Variants in EFCAB5 observed in about 807,000 individuals in gnomAD.
EFCAB5 encodes the protein EF-hand calcium-binding domain-containing protein 5.
EFCAB5 carries 131 observed loss-of-function variants against 167.9 expected under a neutral mutation model. That is an observed-to-expected ratio of 0.78 (90% CI 0.68 to 0.90). The LOEUF is 0.90. Ranked by LOEUF, EFCAB5 falls within the 40% of genes least tolerant of loss-of-function variation. The probability of loss-of-function intolerance (pLI) is 0.00; values close to 1 mark genes in which losing one functional copy is unlikely to be tolerated. For missense variants in EFCAB5, 1,663 were observed against 1,745.2 expected (o/e 0.95, Z 0.84); for synonymous variants, 574 against 602.8 (o/e 0.95, Z 0.70).
chr17:29,967,326 G>C (rs1423802049), intron 3 of EFCAB5, among the ~76,000 whole-genome samples: 1 of 152,298 alleles, frequency 6.6e-6, no homozygotes, highest in East Asian at 1.9e-4. Context: ...CTGTCAATAG[G>C]TCATTTTCTC....
At chr17:30,033,206 G>A (rs2069525353) in intron 7 of EFCAB5, among the ~76,000 whole-genome samples, 1 of 152,100 alleles carries the variant, frequency 6.6e-6, no homozygotes, top group African/African-American at 2.4e-5. Context: ...AGCTTCCCGA[G>A]TAGCTGGGAC....
At chr17:29,965,277 T>A (rs913537416) in intron 3 of EFCAB5, among the ~76,000 whole-genome samples, 1 of 152,218 alleles carries the variant, frequency 6.6e-6, no homozygotes, top group Non-Finnish European at 1.5e-5. Flanking sequence ...CCTTGTGATT[T>A]TTTTGACCCA....
At chr17:29,968,218 C>A in intron 3 of EFCAB5, 1 of 404,492 alleles carries the variant, frequency 2.5e-6, no homozygotes. Flanking sequence ...AGTGTTGTAG[C>A]AGATGAAAAT....
rs767553068 is a variant in EFCAB5 at position 29,969,030 on chromosome 17, GA to G, written c.437del (p.Lys146ArgfsTer21). Reference protein sequence around the residue: ...IDKENLKKELEKKAEKKLPRD... With the variant: ...IDKENLKKELXKKAEKKLPRD... ...TAAGGAAAATCTGAAGAAGGAACTAGAAAAAAAGGCTGAAAAAAAACTCCCT... is the reference window on the plus strand; with the variant it reads ...TAAGGAAAATCTGAAGAAGGAACTAGAAAAAAGGCTGAAAAAAAACTCCCT... On this transcript the variant is annotated frameshift_variant, in exon 4 of 23. Transcript: ENST00000394835. LOFTEE classifies it high-confidence loss of function. 2.1e-5 allele frequency: 34 copies of G among 1,595,000 alleles called. No individual in the cohort carries two copies. The highest frequency in any genetic ancestry group is 2.7e-5 in the Non-Finnish European group (32 of 1,172,360).
chr17:30,080,131 C>T lies in EFCAB5; in HGVS notation c.3087C>T (p.Asn1029=), dbSNP rs746376413. 6.2e-7 allele frequency: 1 copy of T among 1,613,732 alleles called. No individual in the cohort carries two copies. The highest frequency in any genetic ancestry group is 1.7e-5 in the Admixed American group (1 of 59,986). The change falls in exon 16 of 23, where the codon AAC becomes AAT. Residue 1029 remains asparagine (N), a synonymous_variant. Coordinates refer to ENST00000394835, the MANE Select transcript of EFCAB5 (RefSeq NM_198529.4). ...CTCACATTTCCCTCTTAGAAGAAAA[C>T]CTACTACTGCCTGAGAAAGGGAATG... ...ISAHISLLEE[N]LLLPEKGNVL...
intron 7 of EFCAB5, among the ~76,000 whole-genome samples, chr17:30,031,563 G>A (rs2069480294): frequency 1.3e-5 from 2 of 152,174 alleles, no homozygotes. Flanking sequence ...CCATAACTCA[G>A]TGAGGTAACT....
intron 7 of EFCAB5, among the ~76,000 whole-genome samples, chr17:30,011,206 A>T (rs2068890426): frequency 6.6e-6 from 1 of 152,148 alleles, no homozygotes; most frequent in Admixed American, 6.5e-5. Flanking sequence ...TGCTTACTGT[A>T]GCCTTGTAGT....
chr17:30,022,244 A>G (rs2069196971), intron 7 of EFCAB5, among the ~76,000 whole-genome samples: 1 of 152,178 alleles, frequency 6.6e-6, no homozygotes, highest in South Asian at 2.1e-4. Context: ...TATTTACTCA[A>G]TACAATAATG....
intron 19 of EFCAB5, among the ~76,000 whole-genome samples, chr17:30,088,724 G>T (rs947925355): frequency 6.6e-6 from 1 of 152,164 alleles, no homozygotes; most frequent in Non-Finnish European, 1.5e-5. Context: ...CTTCTTAGGG[G>T]GTCACTGTCG....
chr17:29,990,280 T>G (rs2068384973), intron 4 of EFCAB5, among the ~76,000 whole-genome samples: 1 of 152,154 alleles, frequency 6.6e-6, no homozygotes, highest in South Asian at 2.1e-4. Context: ...ACCTTTAAAT[T>G]TCTTTCTCTG....
In EFCAB5 at chr17:29,956,558, G is replaced by A. The variant is rs115143506; in HGVS notation, c.191-12233G>A. ...GCTACTTGTTACAACAGTAGGTTAT[G>A]GTCTTTTTACACATCAAGTTTGGTT... On this transcript the variant is annotated intron_variant, in intron 3 of 22. Coordinates refer to ENST00000394835, the MANE Select transcript of EFCAB5 (RefSeq NM_198529.4). Among the ~76,000 whole-genome samples the A allele has an allele frequency of 4.5e-3, 691 of 152,314 alleles. 8 individuals are homozygous for A. Among genetic ancestry groups the A allele is most frequent in the African/African-American group, 0.016 (653 of 41,566 alleles).
intron 4 of EFCAB5, among the ~76,000 whole-genome samples, chr17:29,971,926 A>G (rs2067962258): frequency 6.6e-6 from 1 of 152,290 alleles, no homozygotes; most frequent in Admixed American, 6.5e-5. Flanking sequence ...CATGGATTTT[A>G]ATATATATTC....
At chr17:29,948,600 AG>A (rs2067450822) in intron 3 of EFCAB5, among the ~76,000 whole-genome samples, 1 of 152,168 alleles carries the variant, frequency 6.6e-6, no homozygotes, top group African/African-American at 2.4e-5. Flanking sequence ...GGTCAAAGGA[AG>A]TGTCTTCATC....
chr17:30,064,393 T>TC (rs917463139), intron 14 of EFCAB5, among the ~76,000 whole-genome samples: 5 of 151,962 alleles, frequency 3.3e-5, no homozygotes, highest in Admixed American at 2.6e-4. Flanking sequence ...ATAGAGAGCT[T>TC]CACCAGCAGA....
intron 7 of EFCAB5, among the ~76,000 whole-genome samples, chr17:30,013,410 C>T (rs943485590): frequency 1.3e-5 from 2 of 152,102 alleles, no homozygotes; most frequent in Non-Finnish European, 1.5e-5. Flanking sequence ...TGGTAGAATT[C>T]GGCTGTGAAT....
chr17:30,079,416 C>T (rs751264523), intron 15 of EFCAB5, among the ~76,000 whole-genome samples: 6 of 152,082 alleles, frequency 3.9e-5, no homozygotes, highest in Non-Finnish European at 8.8e-5. Flanking sequence ...AGAAAAATAT[C>T]AAGGAAAGTG....
At chr17:30,079,315 G>T (rs971753483) in intron 15 of EFCAB5, among the ~76,000 whole-genome samples, 3 of 152,094 alleles carry the variant, frequency 2.0e-5, no homozygotes, top group Non-Finnish European at 2.9e-5. Flanking sequence ...CTACATATTT[G>T]TTAATGACTC....
Position 30,053,512 on chromosome 17 carries a change from A to C in EFCAB5, c.1558A>C (p.Arg520=). The stretch of plus-strand genomic sequence containing the variant: ...AGTAACTGCAGAACAAGGACCACAA[A>C]GAATTTCAATTGAAGAACAACAACA... The part of the protein sequence containing the change: ...RGVTAEQGPQ[R]ISIEEQQQGK... Residue 520 remains arginine (R), a synonymous_variant, in exon 10 of 23, where the codon AGA becomes CGA. Transcript: ENST00000394835. The C allele has an allele frequency of 6.2e-7, 1 of 1,614,008 alleles. No homozygotes were observed. The highest frequency in any genetic ancestry group is 8.5e-7 in the Non-Finnish European group (1 of 1,179,882).
At chr17:29,977,281 CAT>C (rs1189831168) in intron 4 of EFCAB5, among the ~76,000 whole-genome samples, 1 of 152,034 alleles carries the variant, frequency 6.6e-6, no homozygotes, top group African/African-American at 2.4e-5. Context: ...TACACATACT[CAT>C]ATATGTTAAA....
Sources: gnomAD v4.1 joint callset for allele counts (sites outside exome capture counted in the v4.1 genomes callset) on GRCh38, gnomAD v4.1.1 for gene constraint, MANE v1.5 for transcripts, NCBI Gene and HGNC (gene_info 2026-07-23, HGNC 2026-07-21) for gene names.